GEMIN2: variants seen among roughly 807,000 people sequenced by gnomAD.
GEMIN2 encodes gem nuclear organelle associated protein 2.
A neutral mutation model predicts 45.8 loss-of-function variants in GEMIN2; 37 were observed. The ratio of observed to expected loss-of-function variants is 0.81; its 90% CI spans 0.62 to 1.06. GEMIN2 has a LOEUF of 1.06. Ranked by LOEUF, GEMIN2 falls within the 50% of genes least tolerant of loss-of-function variation. The pLI, the probability that GEMIN2 is intolerant of heterozygous loss-of-function variation, is 0.00. For synonymous variants in GEMIN2, 101 were observed against 111.5 expected (o/e 0.91, Z 0.60); for missense variants, 335 against 321.8 (o/e 1.04, Z -0.31).
chr14:39,119,653 T>C (rs2052552686), intron 4 of GEMIN2, among the ~76,000 whole-genome samples: 1 of 152,258 alleles, frequency 6.6e-6, no homozygotes, highest in African/African-American at 2.4e-5. Flanking sequence ...TGATATCTTT[T>C]ACATGGTGAC....
intron 4 of GEMIN2, 51 bp from the exon 5 acceptor site, chr14:39,122,379 G>C: frequency 1.1e-6 from 1 of 890,994 alleles, no homozygotes; most frequent in Non-Finnish European, 1.8e-6. Context: ...TTACTGTTCA[G>C]TGTAAAAATT....
chr14:39,117,065 G>A (rs1407079634), intron 2 of GEMIN2, among the ~76,000 whole-genome samples: 4 of 152,154 alleles, frequency 2.6e-5, no homozygotes, highest in Admixed American at 1.3e-4. Context: ...CTGAGGTGGG[G>A]AGTTCAAGAC....
intron 7 of GEMIN2, among the ~76,000 whole-genome samples, chr14:39,129,943 T>TTA (rs1351939258): frequency 3.7e-5 from 5 of 133,786 alleles, no homozygotes; most frequent in African/African-American, 1.5e-4. Context: ...TGTTTTTTTT[T>TTA]TTTTTTTTTT....
At chr14:39,124,633 C>T (rs964541904) in intron 5 of GEMIN2, among the ~76,000 whole-genome samples, 6 of 151,778 alleles carry the variant, frequency 4.0e-5, no homozygotes, top group African/African-American at 1.2e-4. Context: ...ATTAGCTGGG[C>T]GTGTTGACAT....
Position 39,133,645 on chromosome 14 carries a change from CTT to C in GEMIN2, c.712-4_712-3del, listed in dbSNP as rs77967037. On this transcript the variant is annotated splice_polypyrimidine_tract_variant and intron_variant, in intron 8 of 9. Transcript: ENST00000308317. Reference sequence around the variant, plus strand: ...AGGAACAGACAATATTTAAATTTTTCTTTTTTTTTTTTTAGGATAGCAAAGAT... The same window carrying C: ...AGGAACAGACAATATTTAAATTTTTCTTTTTTTTTTTAGGATAGCAAAGAT... 9,565 of 1,112,802 alleles carry C rather than the reference CTT, an allele frequency of 8.6e-3. No individual in the cohort carries two copies. Among genetic ancestry groups the C allele is most frequent in the South Asian group, 0.014 (856 of 62,948 alleles). 68.9% of individuals were successfully genotyped at this position (1,112,802 alleles called of 1,614,324 possible).
intron 7 of GEMIN2, among the ~76,000 whole-genome samples, chr14:39,131,131 CTA>C (rs1347530251): frequency 6.6e-6 from 1 of 151,944 alleles, no homozygotes; most frequent in Non-Finnish European, 1.5e-5. Context: ...AACCCGGTCT[CTA>C]TTAAAAATAC....
intron 4 of GEMIN2, among the ~76,000 whole-genome samples, chr14:39,121,735 CAG>C (rs781637312): frequency 6.6e-6 from 1 of 152,110 alleles, no homozygotes; most frequent in Non-Finnish European, 1.5e-5. Flanking sequence ...TTTTTTGAGG[CAG>C]AGTTTCGCTC....
intron 4 of GEMIN2, among the ~76,000 whole-genome samples, chr14:39,120,007 A>G (rs1374897170): frequency 6.6e-6 from 1 of 152,164 alleles, no homozygotes; most frequent in Admixed American, 6.6e-5. Context: ...CTAGGTAGGT[A>G]AATATATTTT....
chr14:39,125,521 T>C (rs2139345748), intron 6 of GEMIN2, among the ~76,000 whole-genome samples: 1 of 152,130 alleles, frequency 6.6e-6, no homozygotes, highest in Non-Finnish European at 1.5e-5. Flanking sequence ...GCCACGTTGG[T>C]CTCGAACTCC....
chr14:39,115,024 G>A, intron 2 of GEMIN2, 111 bp downstream of exon 2: 1 of 657,582 alleles, frequency 1.5e-6, no homozygotes, highest in Non-Finnish European at 2.8e-6. Flanking sequence ...TGACTACTCC[G>A]TGCAAAGTTA....
chr14:39,116,055 T>C (rs2052501221), intron 2 of GEMIN2, among the ~76,000 whole-genome samples: 1 of 151,978 alleles, frequency 6.6e-6, no homozygotes, highest in African/African-American at 2.4e-5. Flanking sequence ...CCCCCTTTTT[T>C]TTTTGCGTCT....
chr14:39,133,723 T>C lies in GEMIN2; in HGVS notation c.770+4T>C, dbSNP rs758776070. 1 of 1,469,384 alleles carries C rather than the reference T, an allele frequency of 6.8e-7. No homozygotes were observed. Among genetic ancestry groups the C allele is most frequent in the Non-Finnish European group, 9.3e-7 (1 of 1,070,622 alleles). The allele number at this position is 1,469,384 out of a possible 1,614,324, so 91.0% of individuals were successfully genotyped here. A position where few individuals can be genotyped will look rare whatever the true frequency, so the allele number is the denominator to read the frequency against. ...TATTAATCTGCTTGGTTAGCAGGTA[T>C]AGTTAATCCTTGGCTTCTTTATTAT... On this transcript the variant is annotated splice_donor_region_variant and intron_variant, in intron 9 of 9. Coordinates refer to ENST00000308317, the MANE Select transcript of GEMIN2 (RefSeq NM_003616.3).
chr14:39,135,818 T>C (rs922471139), intron 9 of GEMIN2, among the ~76,000 whole-genome samples: 1 of 152,158 alleles, frequency 6.6e-6, no homozygotes, highest in Non-Finnish European at 1.5e-5. Context: ...ACATTTGGAG[T>C]ATTTTAGCAT....
chr14:39,123,685 G>GTTTTATATATAT (rs1566532769), intron 5 of GEMIN2, among the ~76,000 whole-genome samples: 6 of 59,586 alleles, frequency 1.0e-4, no homozygotes, highest in African/African-American at 3.6e-4. Flanking sequence ...TTCAAAAATA[G>GTTTTATATATAT]CTATATATAT....
chr14:39,132,069 G>C lies in GEMIN2; in HGVS notation c.711+1G>C. 7.1e-7 allele frequency: 1 copy of C among 1,406,040 alleles called. No individual in the cohort carries two copies. Among genetic ancestry groups the C allele is most frequent in the Non-Finnish European group, 1.0e-6 (1 of 991,274 alleles). The allele number at this position is 1,406,040 out of a possible 1,614,324, so 87.1% of individuals were successfully genotyped here. A position where few individuals can be genotyped will look rare whatever the true frequency, so the allele number is the denominator to read the frequency against. On this transcript the variant is annotated splice_donor_variant, in intron 8 of 9. Coordinates refer to ENST00000308317, the MANE Select transcript of GEMIN2 (RefSeq NM_003616.3). LOFTEE classifies it high-confidence loss of function. Reference sequence around the variant, plus strand: ...GTGCTCTGAAGTGAGGCTCTTAGTGGTAAGTTGCAACTTACTGTTTAAAAT... The same window carrying C: ...GTGCTCTGAAGTGAGGCTCTTAGTGCTAAGTTGCAACTTACTGTTTAAAAT...
At chr14:39,129,559 A>C (rs1383122488) in intron 7 of GEMIN2, among the ~76,000 whole-genome samples, 2 of 151,552 alleles carry the variant, frequency 1.3e-5, no homozygotes, top group African/African-American at 2.4e-5. Context: ...GATTACAGGC[A>C]CCTGCCACCA....
intron 7 of GEMIN2, among the ~76,000 whole-genome samples, chr14:39,129,365 G>C (rs1029519286): frequency 1.3e-5 from 2 of 152,058 alleles, no homozygotes; most frequent in Non-Finnish European, 2.9e-5. Context: ...CCTTCATTAA[G>C]TGATGCATGA....
At position 39,136,747 on chromosome 14, in the gene GEMIN2, A is replaced by G; in HGVS notation, c.*268A>G. 5.8e-6 allele frequency: 2 copies of G among 345,174 alleles called. No individual in the cohort carries two copies. Among genetic ancestry groups the G allele is most frequent in the Non-Finnish European group, 1.0e-5 (2 of 192,750 alleles). 21.4% of individuals were successfully genotyped at this position (345,174 alleles called of 1,614,324 possible). On this transcript the variant is annotated 3_prime_UTR_variant, in exon 10 of 10. Transcript: ENST00000308317. The stretch of plus-strand genomic sequence containing the variant: ...GCTTGCATAGAAATTGTATGATGAA[A>G]TTTTACATAGGTTCTTGGTGCTGTT...
intron 7 of GEMIN2, 98 bp downstream of exon 7, chr14:39,128,446 A>G: frequency 3.3e-6 from 2 of 600,594 alleles, no homozygotes; most frequent in East Asian, 5.9e-5. Context: ...ATAGGATTAT[A>G]ATACTGTATT....
Sources: allele counts gnomAD v4.1 joint callset (sites outside exome capture counted in the v4.1 genomes callset), GRCh38; gene constraint gnomAD v4.1.1; transcripts MANE v1.5; gene names NCBI Gene and HGNC (gene_info 2026-07-23, HGNC 2026-07-21).